Variants in THSD4 observed in about 807,000 individuals in gnomAD.
THSD4 encodes the protein thrombospondin type-1 domain-containing protein 4.
A neutral mutation model predicts 119.0 loss-of-function variants in THSD4; 69 were observed. That is an observed-to-expected ratio of 0.58 (90% CI 0.48 to 0.71). The LOEUF (loss-of-function observed/expected upper bound fraction) is 0.71. Among genes scored for constraint, THSD4 ranks in the 30% least tolerant of loss-of-function variants. The probability of loss-of-function intolerance (pLI) is 0.00; values close to 1 mark genes in which losing one functional copy is unlikely to be tolerated. For missense variants in THSD4, 1,393 were observed against 1,391.1 expected (o/e 1.00, Z -0.02); for synonymous variants, 524 against 540.4 (o/e 0.97, Z 0.42).
chr15:71,630,781 T>A (rs1257861174), intron 7 of THSD4, among the ~76,000 whole-genome samples: 1 of 152,118 alleles, frequency 6.6e-6, no homozygotes, highest in Non-Finnish European at 1.5e-5. Flanking sequence ...TCTGGTTCTG[T>A]GAGAGCAGGG....
chr15:71,706,504 G>A (rs571485404), intron 8 of THSD4, among the ~76,000 whole-genome samples: 2 of 152,302 alleles, frequency 1.3e-5, no homozygotes, highest in African/African-American at 4.8e-5. Context: ...GATTGTCCAA[G>A]GGATAGAATG....
intron 6 of THSD4, among the ~76,000 whole-genome samples, chr15:71,386,726 A>C (rs1251594927): frequency 6.6e-6 from 1 of 152,232 alleles, no homozygotes; most frequent in Non-Finnish European, 1.5e-5. Context: ...TGAGACAAAG[A>C]GAAGACCCCT....
chr15:71,476,900 C>G (rs537285751), intron 7 of THSD4, among the ~76,000 whole-genome samples: 1 of 152,294 alleles, frequency 6.6e-6, no homozygotes, highest in Non-Finnish European at 1.5e-5. Flanking sequence ...CATCAGTTAT[C>G]TGGGCCGACA....
At chr15:71,382,990 G>A (rs553168406) in intron 6 of THSD4, among the ~76,000 whole-genome samples, 6 of 152,298 alleles carry the variant, frequency 3.9e-5, no homozygotes, top group African/African-American at 1.4e-4. Context: ...TTGAAACAAT[G>A]AATTTTGAAA....
chr15:71,210,582 T>C (rs1009640521), intron 3 of THSD4, among the ~76,000 whole-genome samples: 2 of 152,190 alleles, frequency 1.3e-5, no homozygotes, highest in African/African-American at 4.8e-5. Context: ...AGAAAACTAC[T>C]CATATTAGAT....
intron 8 of THSD4, among the ~76,000 whole-genome samples, chr15:71,671,196 T>C (rs1247769019): frequency 1.3e-5 from 2 of 152,208 alleles, no homozygotes; most frequent in Non-Finnish European, 2.9e-5. Context: ...TGAGATGGTA[T>C]CTCATTGTGG....
chr15:71,664,765 C>A (rs553104603), intron 8 of THSD4, among the ~76,000 whole-genome samples: 7 of 152,116 alleles, frequency 4.6e-5, no homozygotes, highest in Non-Finnish European at 1.5e-5. Flanking sequence ...TCTGTTCCTG[C>A]GTGGTTTTCT....
intron 7 of THSD4, among the ~76,000 whole-genome samples, chr15:71,450,212 G>C (rs2047242739): frequency 6.6e-6 from 1 of 152,226 alleles, no homozygotes; most frequent in African/African-American, 2.4e-5. Context: ...TTGGGTGGCT[G>C]CGTGTCCATA....
intron 6 of THSD4, among the ~76,000 whole-genome samples, chr15:71,299,986 T>A (rs868401931): frequency 0.026 from 3,575 of 137,642 alleles, 68 homozygotes; most frequent in South Asian, 0.052. Context: ...AATATATATA[T>A]ATATATATAT....
intron 7 of THSD4, 22 bp from the exon 8 acceptor site, chr15:71,660,506 CTT>C (rs1281156921): frequency 6.2e-7 from 1 of 1,613,730 alleles, no homozygotes; most frequent in South Asian, 1.1e-5. Flanking sequence ...TACTATGAGT[CTT>C]TTGTTTTCTG....
At chr15:71,709,229 A>G (rs2052458316) in intron 8 of THSD4, among the ~76,000 whole-genome samples, 1 of 152,206 alleles carries the variant, frequency 6.6e-6, no homozygotes, top group African/African-American at 2.4e-5. Context: ...AAAATGCTAC[A>G]GGGATGTAAG....
intron 7 of THSD4, among the ~76,000 whole-genome samples, chr15:71,449,642 A>G (rs1366918925): frequency 7.2e-6 from 1 of 139,002 alleles, no homozygotes; most frequent in Admixed American, 6.9e-5. Flanking sequence ...CAGGACAATG[A>G]TGATAATCGG....
chr15:71,383,829 T>C (rs1355525247), intron 6 of THSD4, among the ~76,000 whole-genome samples: 1 of 152,214 alleles, frequency 6.6e-6, no homozygotes, highest in Non-Finnish European at 1.5e-5. Flanking sequence ...TTAGGTATTA[T>C]AAGTAATGTA....
At chr15:71,566,143 T>G (rs1350438493) in intron 7 of THSD4, among the ~76,000 whole-genome samples, 1 of 45,442 alleles carries the variant, frequency 2.2e-5, no homozygotes, top group Non-Finnish European at 4.6e-5. Flanking sequence ...TTCTTTTTTC[T>G]TTTTCTTTTT....
intron 4 of THSD4, among the ~76,000 whole-genome samples, chr15:71,241,981 C>A (rs1218944037): frequency 6.6e-6 from 1 of 152,094 alleles, no homozygotes; most frequent in Non-Finnish European, 1.5e-5. Context: ...TTCTTCTAAA[C>A]CAATGTGAAG....
chr15:71,153,983 A>T (rs2040751917), intron 2 of THSD4, among the ~76,000 whole-genome samples: 1 of 152,202 alleles, frequency 6.6e-6, no homozygotes, highest in Admixed American at 6.5e-5. Flanking sequence ...TGAAAGATCT[A>T]GGTTTTCCTC....
intron 7 of THSD4, among the ~76,000 whole-genome samples, chr15:71,573,244 C>G (rs955905710): frequency 2.6e-4 from 40 of 152,086 alleles, no homozygotes; most frequent in African/African-American, 9.4e-4. Context: ...CAGTAGGTGC[C>G]CAGTATTTAT....
At chr15:71,395,905 T>G (rs531803481) in intron 6 of THSD4, among the ~76,000 whole-genome samples, 1 of 132,854 alleles carries the variant, frequency 7.5e-6, no homozygotes, top group South Asian at 2.5e-4. Context: ...TCTCAGTGTT[T>G]TGAAGAGAGA....
intron 6 of THSD4, among the ~76,000 whole-genome samples, chr15:71,360,837 C>A (rs1392730019): frequency 6.6e-6 from 1 of 152,174 alleles, no homozygotes; most frequent in Non-Finnish European, 1.5e-5. Flanking sequence ...GAAGCATAAA[C>A]AGAAAGAAGA....
Sources: allele counts gnomAD v4.1 joint callset (sites outside exome capture counted in the v4.1 genomes callset), GRCh38; gene constraint gnomAD v4.1.1; transcripts MANE v1.5; gene names NCBI Gene and HGNC (gene_info 2026-07-23, HGNC 2026-07-21).